ZC4H2: variants seen among roughly 807,000 people sequenced by gnomAD.
ZC4H2 encodes zinc finger C4H2 domain-containing protein.
For missense variants in ZC4H2, 137 were observed against 173.9 expected (o/e 0.79, Z 1.19); for synonymous variants, 84 against 66.3 (o/e 1.27, Z -1.30).
chrX:64,983,224 C>A (rs182458469), intron 1 of ZC4H2, among the ~76,000 whole-genome samples: 1 of 111,405 alleles, frequency 9.0e-6, no homozygotes, highest in African/African-American at 3.3e-5. Flanking sequence ...TTGGTCTTCT[C>A]GTATGGAAAA....
intron 1 of ZC4H2, among the ~76,000 whole-genome samples, chrX:64,975,724 C>T (rs1233874505): frequency 9.0e-6 from 1 of 111,636 alleles, no homozygotes; most frequent in Admixed American, 9.4e-5. Flanking sequence ...CCACCATCAG[C>T]GCAGCGACCG....
At chrX:64,998,645 T>C (rs1442975412) in intron 1 of ZC4H2, among the ~76,000 whole-genome samples, 1 of 111,543 alleles carries the variant, frequency 9.0e-6, no homozygotes. Flanking sequence ...TTGTGTTAAG[T>C]CCTCTATATC....
At chrX:64,993,755 C>G (rs1932356342) in intron 1 of ZC4H2, among the ~76,000 whole-genome samples, 1 of 112,175 alleles carries the variant, frequency 8.9e-6, no homozygotes, top group Admixed American at 9.4e-5. Flanking sequence ...ACCCCCTCCT[C>G]TTCATTTTAA....
chrX:64,972,344 A>G (rs768013603), intron 1 of ZC4H2, among the ~76,000 whole-genome samples: 2 of 111,301 alleles, frequency 1.8e-5, no homozygotes, highest in South Asian at 7.7e-4. Context: ...CTGAGTATGA[A>G]TGCATATATT....
intron 1 of ZC4H2, among the ~76,000 whole-genome samples, chrX:64,984,426 G>T (rs1932140327): frequency 9.0e-6 from 1 of 111,720 alleles, no homozygotes; most frequent in Non-Finnish European, 1.9e-5. Flanking sequence ...GATGGGCAGA[G>T]GACTAGGGAA....
intron 1 of ZC4H2, among the ~76,000 whole-genome samples, chrX:64,930,292 C>A (rs2147360419): frequency 9.0e-6 from 1 of 111,351 alleles, no homozygotes; most frequent in African/African-American, 3.3e-5. Context: ...GTATTCTAGG[C>A]ATATGATCAT....
At chrX:64,946,124 G>A (rs990876404) in intron 1 of ZC4H2, among the ~76,000 whole-genome samples, 1 of 109,639 alleles carries the variant, frequency 9.1e-6, no homozygotes, top group South Asian at 4.0e-4. Context: ...TGCCCCTGGC[G>A]TGTGGGAAAA....
intron 1 of ZC4H2, among the ~76,000 whole-genome samples, chrX:65,019,794 G>C (rs1332945531): frequency 3.6e-5 from 4 of 111,837 alleles, no homozygotes; most frequent in African/African-American, 1.3e-4. Flanking sequence ...CTTGAAAAAA[G>C]GTTAGATGAA....
chrX:64,991,300 G>A (rs1442634462), intron 1 of ZC4H2, among the ~76,000 whole-genome samples: 1 of 112,042 alleles, frequency 8.9e-6, no homozygotes, highest in Non-Finnish European at 1.9e-5. Context: ...GTGTTACATT[G>A]TCACACTTAC....
At chrX:64,999,198 C>T (rs760878371) in intron 1 of ZC4H2, among the ~76,000 whole-genome samples, 4 of 110,788 alleles carry the variant, frequency 3.6e-5, no homozygotes, top group East Asian at 2.8e-4. Flanking sequence ...GTGAGATCAA[C>T]GCAGAAGGCG....
chrX:65,010,162 C>T (rs1932735017), intron 1 of ZC4H2, among the ~76,000 whole-genome samples: 2 of 112,302 alleles, frequency 1.8e-5, no homozygotes, highest in East Asian at 2.8e-4. Context: ...TTTAGTTTCT[C>T]TTTTGGTCTT....
intron 1 of ZC4H2, among the ~76,000 whole-genome samples, chrX:65,000,990 G>A (rs1267410388): frequency 2.7e-5 from 3 of 111,261 alleles, no homozygotes; most frequent in Non-Finnish European, 5.7e-5. Flanking sequence ...GGGGAAAATG[G>A]AGCCAAATTG....
chrX:64,949,743 T>A (rs968889386), intron 1 of ZC4H2, among the ~76,000 whole-genome samples: 2 of 111,659 alleles, frequency 1.8e-5, no homozygotes, highest in Admixed American at 9.5e-5. Flanking sequence ...TCTCTTTTCT[T>A]CTTTATTAGT....
rs865907588 is a variant in ZC4H2 at position 64,915,814 on chromosome X, G to A, written c.*1969C>T. ...GTGCTAATATTTTCCCCATTTTCCA[G>A]ATGAGGACACTGAGGCACAGAGAGG... On this transcript the variant is annotated 3_prime_UTR_variant, in exon 5 of 5. Transcript: ENST00000374839. The A allele has an allele frequency of 2.7e-5, 3 of 112,085 alleles. No homozygotes were observed. The highest frequency in any genetic ancestry group is 9.5e-5 in the Admixed American group (1 of 10,556). 9.2% of individuals were successfully genotyped at this position (112,085 alleles called of 1,213,427 possible). A position where few individuals can be genotyped will look rare whatever the true frequency, so the allele number is the denominator to read the frequency against.
chrX:64,932,283 A>T (rs1292151979), intron 1 of ZC4H2, among the ~76,000 whole-genome samples: 1 of 111,318 alleles, frequency 9.0e-6, no homozygotes, highest in Non-Finnish European at 1.9e-5. Context: ...AAAACAACAC[A>T]TACTTGGTTG....
At chrX:64,961,450 G>A (rs887878723) in intron 1 of ZC4H2, among the ~76,000 whole-genome samples, 1 of 110,338 alleles carries the variant, frequency 9.1e-6, no homozygotes, top group African/African-American at 3.3e-5. Context: ...TTTCTGCCAT[G>A]CCTCTACTTG....
intron 1 of ZC4H2, among the ~76,000 whole-genome samples, chrX:64,988,152 G>C (rs1932231372): frequency 9.1e-6 from 1 of 110,108 alleles, no homozygotes; most frequent in Non-Finnish European, 1.9e-5. Context: ...CATTTGGGTT[G>C]GTTCCAAGTC....
intron 1 of ZC4H2, among the ~76,000 whole-genome samples, chrX:64,928,635 T>C (rs188585328): frequency 6.8e-4 from 30 of 44,137 alleles, no homozygotes; most frequent in African/African-American, 1.5e-3. Context: ...GCTTTCTCCT[T>C]CTTCTTCTTC....
chrX:64,930,986 G>A (rs756644118), intron 1 of ZC4H2, among the ~76,000 whole-genome samples: 13 of 111,600 alleles, frequency 1.2e-4, no homozygotes, highest in Non-Finnish European at 2.1e-4. Flanking sequence ...AATCCACCTG[G>A]TTCTGAACTT....
Sources: gnomAD v4.1 joint callset for allele counts (sites outside exome capture counted in the v4.1 genomes callset) on GRCh38, gnomAD v4.1.1 for gene constraint, MANE v1.5 for transcripts, NCBI Gene and HGNC (gene_info 2026-07-23, HGNC 2026-07-21) for gene names.